VPS13D: variants seen among roughly 807,000 people sequenced by gnomAD.
The protein encoded by VPS13D is intermembrane lipid transfer protein VPS13D.
A neutral mutation model predicts 461.9 loss-of-function variants in VPS13D; 187 were observed. The ratio of observed to expected loss-of-function variants is 0.40; its 90% CI spans 0.36 to 0.46. The LOEUF is 0.46. Among genes scored for constraint, VPS13D ranks in the 20% least tolerant of loss-of-function variants. VPS13D has a pLI of 0.60. For missense variants in VPS13D, 4,711 were observed against 5,364.9 expected (o/e 0.88, Z 3.81); for synonymous variants, 1,951 against 1,986.3 (o/e 0.98, Z 0.47).
In VPS13D at chr1:12,349,347, T is replaced by C; in HGVS notation, c.9404T>C (p.Met3135Thr). 1 of 1,614,082 alleles carries C rather than the reference T, an allele frequency of 6.2e-7. No individual in the cohort carries two copies. The highest frequency in any genetic ancestry group is 8.5e-7 in the Non-Finnish European group (1 of 1,180,034). ...AGCAGTAAACGAGAGTGCCACTCTA[T>C]GGACACAGAAAAAAGCCGATTTTTC... ...ISSSKRECHSMDTEKSRFFRF... is the reference protein window; with the variant it reads ...ISSSKRECHSTDTEKSRFFRF... Residue 3135 changes from methionine (M) to threonine (T), a missense_variant, in exon 46 of 70, where the codon ATG becomes ACG. Coordinates refer to ENST00000620676, the MANE Select transcript of VPS13D (RefSeq NM_015378.4).
intron 60 of VPS13D, among the ~76,000 whole-genome samples, chr1:12,391,298 C>G (rs968154172): frequency 6.6e-6 from 1 of 152,116 alleles, no homozygotes; most frequent in East Asian, 1.9e-4. Flanking sequence ...GCCTGCATAT[C>G]GTGCAGAACC....
At chr1:12,329,240 A>G (rs1034496286) in intron 36 of VPS13D, among the ~76,000 whole-genome samples, 3 of 151,956 alleles carry the variant, frequency 2.0e-5, no homozygotes, top group African/African-American at 7.3e-5. Context: ...TTGAGACAAG[A>G]GTCTTGCTTT....
At chr1:12,236,546 A>G (rs1387400611) in intron 2 of VPS13D, among the ~76,000 whole-genome samples, 1 of 151,928 alleles carries the variant, frequency 6.6e-6, no homozygotes, top group Non-Finnish European at 1.5e-5. Context: ...ACGCCCGGCT[A>G]ATTTTTATAT....
chr1:12,334,192 AC>A (rs551281405), intron 38 of VPS13D, among the ~76,000 whole-genome samples: 1 of 152,050 alleles, frequency 6.6e-6, no homozygotes, highest in Non-Finnish European at 1.5e-5. Flanking sequence ...AAGTTTGTTG[AC>A]CCCCCAAATT....
intron 67 of VPS13D, among the ~76,000 whole-genome samples, chr1:12,487,051 C>T (rs977434055): frequency 1.3e-5 from 2 of 152,158 alleles, no homozygotes; most frequent in Non-Finnish European, 2.9e-5. Flanking sequence ...TCCCCTGAGA[C>T]CCTCCCAAGA....
At position 12,329,831 on chromosome 1, in the gene VPS13D, C is replaced by T. The variant is rs775955233; in HGVS notation, c.8200C>T (p.Leu2734=). ...VPLAELTFSR[L]NFLQRVRTSP... is the part of the protein sequence containing the mutation. Reference sequence around the variant, plus strand: ...AGTAAGGTTTGCTTTCATTGCAGGTCTGAATTTTCTTCAGCGTGTAAGAAC... The same window carrying T: ...AGTAAGGTTTGCTTTCATTGCAGGTTTGAATTTTCTTCAGCGTGTAAGAAC... The change falls in exon 37 of 70, where the codon CTG becomes TTG. Residue 2734 remains leucine (L), a splice_region_variant and synonymous_variant. Transcript: ENST00000620676. 1 of 1,613,984 alleles carries T rather than the reference C, an allele frequency of 6.2e-7. No homozygotes were observed. Among genetic ancestry groups the T allele is most frequent in the Admixed American group, 1.7e-5 (1 of 60,000 alleles).
chr1:12,493,659 A>G (rs1557475659), intron 67 of VPS13D, among the ~76,000 whole-genome samples: 1 of 152,242 alleles, frequency 6.6e-6, no homozygotes, highest in African/African-American at 2.4e-5. Flanking sequence ...ACAGTGTCAC[A>G]TCAACAGATG....
rs143194636 is a variant in VPS13D, at chr1:12,341,800, C to T, written c.8647C>T (p.Arg2883Cys). 3.4e-3 allele frequency: 5,422 copies of T among 1,613,906 alleles called. 58 individuals are homozygous for T. Among genetic ancestry groups the T allele is most frequent in the Non-Finnish European group, 2.4e-3 (2,783 of 1,179,950 alleles). The change falls in exon 41 of 70, where the codon CGC (arginine) becomes TGC (cysteine). Residue 2883 changes from arginine to cysteine, a missense_variant. Arg to Cys is a radical substitution (Grantham distance 180). Transcript: ENST00000620676. The stretch of plus-strand genomic sequence containing the variant: ...CGTAGCAGAGGTGAAAACCCCCAAG[C>T]GCCGGCAGCCATTTGTCCCCTTTGC... ...YARAEVKTPK[R>C]RQPFVPFALR...
At chr1:12,489,839 A>G (rs1233182946) in intron 67 of VPS13D, among the ~76,000 whole-genome samples, 1 of 152,198 alleles carries the variant, frequency 6.6e-6, no homozygotes. Context: ...CACTTTATAG[A>G]TGAGAAAACC....
chr1:12,454,056 G>C (rs548113330), intron 65 of VPS13D, among the ~76,000 whole-genome samples: 1 of 152,292 alleles, frequency 6.6e-6, no homozygotes, highest in South Asian at 2.1e-4. Flanking sequence ...CCTTGGACTA[G>C]TAGCAGAGTA....
rs145864688 is a variant in VPS13D at position 12,442,805 on chromosome 1, T to G, written c.12334-13193T>G. On this transcript the variant is annotated intron_variant, in intron 65 of 69. Coordinates refer to ENST00000620676, the MANE Select transcript of VPS13D (RefSeq NM_015378.4). ...AATCTTGCCATATTGTCTAGATTGG[T>G]CTTGAACTCTTGGGTTCAAGTCATC... Among the ~76,000 whole-genome samples, 769 of 152,182 alleles carry G rather than the reference T, an allele frequency of 5.1e-3. 6 individuals carry two copies. Among genetic ancestry groups the G allele is most frequent in the African/African-American group, 0.017 (696 of 41,488 alleles).
At chr1:12,380,471 C>CCTCTGTCGT (rs145066607) in intron 57 of VPS13D, among the ~76,000 whole-genome samples, 9,423 of 152,240 alleles carry the variant, frequency 0.062, 447 homozygotes, top group Admixed American at 0.12. Flanking sequence ...TGGACAGTTT[C>CCTCTGTCGT]CTCCTCAGCC....
chr1:12,508,862 G>A (rs1646148289), intron 69 of VPS13D, 31 bp from the exon 70 acceptor site: 4 of 1,607,392 alleles, frequency 2.5e-6, no homozygotes, highest in East Asian at 4.5e-5. Flanking sequence ...CCATCCTGGG[G>A]ACAGGTGACC....
intron 67 of VPS13D, among the ~76,000 whole-genome samples, chr1:12,488,154 T>C (rs999209159): frequency 2.6e-5 from 4 of 152,232 alleles, no homozygotes; most frequent in African/African-American, 9.7e-5. Context: ...GGGTGCTCCG[T>C]CCAGATACAA....
At chr1:12,381,980 T>TTCTCTCTC (rs34633201) in intron 57 of VPS13D, among the ~76,000 whole-genome samples, 4 of 131,270 alleles carry the variant, frequency 3.0e-5, no homozygotes, top group South Asian at 5.0e-4. Flanking sequence ...CTTTCTTTCT[T>TTCTCTCTC]TCTCTCTCTC....
At chr1:12,298,468 C>A (rs946735809) in intron 24 of VPS13D, among the ~76,000 whole-genome samples, 5 of 152,026 alleles carry the variant, frequency 3.3e-5, no homozygotes, top group African/African-American at 9.7e-5. Flanking sequence ...GGTGAAACCC[C>A]ATCTCTCCTA....
In VPS13D at chr1:12,277,133, G is replaced by C; in HGVS notation, c.3545G>C (p.Gly1182Ala). 6.2e-7 allele frequency: 1 copy of C among 1,614,190 alleles called. No homozygotes were observed. The highest frequency in any genetic ancestry group is 8.5e-7 in the Non-Finnish European group (1 of 1,180,030). Residue 1182 changes from glycine (G) to alanine (A), a missense_variant, in exon 19 of 70, where the codon GGC becomes GCC. By Grantham distance (60) the Gly-to-Ala change is moderately conservative. This residue lies in a region of VPS13D where 4,411 missense variants were observed against 4,937.8 expected (regional missense o/e 0.89). Coordinates refer to ENST00000620676, the MANE Select transcript of VPS13D (RefSeq NM_015378.4). ...AACTTACTGCTTCTTCGGACAGTGGGCATGGCAAATAGAGAGAAATATGGC... is the reference window on the plus strand; with the variant it reads ...AACTTACTGCTTCTTCGGACAGTGGCCATGGCAAATAGAGAGAAATATGGC... The part of the protein sequence containing the change: ...RLNLLLLRTV[G>A]MANREKYGRK...
chr1:12,445,113 C>A (rs1218942103), intron 65 of VPS13D, among the ~76,000 whole-genome samples: 1 of 152,124 alleles, frequency 6.6e-6, no homozygotes, highest in Non-Finnish European at 1.5e-5. Flanking sequence ...AGGTCAGAGA[C>A]AGTGTGTGTG....
intron 27 of VPS13D, among the ~76,000 whole-genome samples, chr1:12,311,220 T>C (rs1642739497): frequency 6.6e-6 from 1 of 152,032 alleles, no homozygotes; most frequent in Non-Finnish European, 1.5e-5. Context: ...CTGGCCTGGT[T>C]TGAGGATTTT....
Sources: allele counts gnomAD v4.1 joint callset (sites outside exome capture counted in the v4.1 genomes callset), GRCh38; gene constraint gnomAD v4.1.1; regional missense constraint gnomAD v4.1.1; transcripts MANE v1.5; gene names NCBI Gene and HGNC (gene_info 2026-07-23, HGNC 2026-07-21).